Variants in ALOX12 observed in about 807,000 individuals in gnomAD.
ALOX12 encodes polyunsaturated fatty acid lipoxygenase ALOX12.
ALOX12 carries 62 observed loss-of-function variants against 85.5 expected under a neutral mutation model. That is an observed-to-expected ratio of 0.73 (90% confidence interval 0.59 to 0.90). The LOEUF is 0.90. ALOX12 is among the 40% of genes least tolerant of loss of function. The pLI, the probability that ALOX12 is intolerant of heterozygous loss-of-function variation, is 0.00. For missense variants in ALOX12, 751 were observed against 856.5 expected (o/e 0.88, Z 1.54); for synonymous variants, 299 against 332.7 (o/e 0.90, Z 1.10).
chr17:7,008,563 C>T (rs62062859), intron 11 of ALOX12, among the ~76,000 whole-genome samples: 15,173 of 152,042 alleles, frequency 0.1, 1,064 homozygotes, highest in Admixed American at 0.26. Flanking sequence ...CTAGCCAACA[C>T]GGTGAAACTC....
rs1233199656 is a variant in ALOX12 at position 7,010,706 on chromosome 17, C to T, written c.*283C>T. ...ACAGACAACATGGAAATGAGTGTGA[C>T]TATGTTCCAATAAAACTTTATGGAC... On this transcript the variant is annotated 3_prime_UTR_variant, in exon 14 of 14. Coordinates refer to ENST00000251535, the MANE Select transcript of ALOX12 (RefSeq NM_000697.3). 9.2e-6 allele frequency: 3 copies of T among 325,186 alleles called. No individual in the cohort carries two copies. The highest frequency in any genetic ancestry group is 1.7e-5 in the Non-Finnish European group (3 of 178,444). The allele number at this position is 325,186 out of a possible 1,614,324, so 20.1% of individuals were successfully genotyped here.
chr17:6,996,967 G>A lies in ALOX12; in HGVS notation c.277G>A (p.Ala93Thr), dbSNP rs1369798932. Reference protein sequence around the residue: ...VQGPGACAEVAFPCYRWVQGE... With the variant: ...VQGPGACAEVTFPCYRWVQGE... The stretch of plus-strand genomic sequence containing the variant: ...GGGCCCTGGAGCCTGCGCGGAGGTG[G>A]CCTTCCCGTGCTACCGCTGGGTGCA... The change falls in exon 2 of 14, where the codon GCC (alanine) becomes ACC (threonine). Residue 93 changes from alanine (A) to threonine (T), a missense_variant. Transcript: ENST00000251535. The A allele has an allele frequency of 6.3e-7, 1 of 1,583,442 alleles. No homozygotes were observed. Among genetic ancestry groups the A allele is most frequent in the Admixed American group, 1.8e-5 (1 of 55,078 alleles).
chr17:6,998,734 G>A lies in ALOX12; in HGVS notation c.439G>A (p.Gly147Arg). ...TCCTAGCTGGGCCACCTGGAAGGAA[G>A]GGTTACCCCTGACCATCGCTGCAGA... Reference protein sequence around the residue: ...QIYCWATWKEGLPLTIAADRK... With the variant: ...QIYCWATWKERLPLTIAADRK... The change falls in exon 4 of 14, where the codon GGG becomes AGG. Residue 147 changes from glycine to arginine, a missense_variant. By Grantham distance (125) the Gly-to-Arg change is moderately radical. Coordinates refer to ENST00000251535, the MANE Select transcript of ALOX12 (RefSeq NM_000697.3). 1 of 1,613,754 alleles carries A rather than the reference G, an allele frequency of 6.2e-7. No individual in the cohort carries two copies. Among genetic ancestry groups the A allele is most frequent in the Non-Finnish European group, 8.5e-7 (1 of 1,179,962 alleles).
rs547601549 is a variant in ALOX12 at position 7,006,539 on chromosome 17, G to A, written c.1472G>A (p.Gly491Glu). The change falls in exon 11 of 14, where the codon GGG becomes GAG. Residue 491 changes from glycine to glutamate, a missense_variant. Gly to Glu is a moderately conservative substitution (Grantham distance 98). Coordinates refer to ENST00000251535, the MANE Select transcript of ALOX12 (RefSeq NM_000697.3). The part of the protein sequence containing the change: ...LFYQRDDIVK[G>E]DPELQAWCRE... ...TACCAAAGGGATGACATAGTGAAGG[G>A]GGACCCTGAGCTGCAGGCCTGGTGT... The A allele has an allele frequency of 1.7e-5, 28 of 1,613,778 alleles. 2 individuals carry two copies. The South Asian group carries it at 3.0e-4, about 17-fold the overall frequency.
chr17:6,996,265 A>AGCGAGGGGAGCTAGGCCC lies in ALOX12; in HGVS notation c.135+28_135+29insCCCGCGAGGGGAGCTAGG. ...CGCGCGGGGCGAGGTCAGCGCGGGG[A>AGCGAGGGGAGCTAGGCCC]GCGAGGGGAGCTAGGGCAGCGGGGA... On this transcript the variant is annotated intron_variant, in intron 1 of 13. Coordinates refer to ENST00000251535, the MANE Select transcript of ALOX12 (RefSeq NM_000697.3). 8.1e-7 allele frequency: 1 copy of AGCGAGGGGAGCTAGGCCC among 1,228,402 alleles called. No homozygotes were observed. The highest frequency in any genetic ancestry group is 1.0e-6 in the Non-Finnish European group (1 of 982,226). The allele number at this position is 1,228,402 out of a possible 1,614,324, so 76.1% of individuals were successfully genotyped here.
chr17:7,000,197 G>A lies in ALOX12; in HGVS notation c.808-139G>A, dbSNP rs933542410. 6 of 944,648 alleles carry A rather than the reference G, an allele frequency of 6.4e-6. No homozygotes were observed. The highest frequency in any genetic ancestry group is 8.1e-6 in the Non-Finnish European group (5 of 619,070). 58.5% of individuals were successfully genotyped at this position (944,648 alleles called of 1,614,324 possible). On this transcript the variant is annotated intron_variant, in intron 6 of 13. Coordinates refer to ENST00000251535, the MANE Select transcript of ALOX12 (RefSeq NM_000697.3). This position sits in a 1 kb window ranked among gnomAD's most constrained non-coding sequence, Gnocchi z 4.6. Reference sequence around the variant, plus strand: ...TTAAGATGAGAGGAACTGGACCAGGGGCTCTAGTTCTCCCAACAGGGCTCC... The same window carrying A: ...TTAAGATGAGAGGAACTGGACCAGGAGCTCTAGTTCTCCCAACAGGGCTCC...
intron 11 of ALOX12, among the ~76,000 whole-genome samples, chr17:7,008,193 C>T (rs1426393275): frequency 2.0e-5 from 3 of 152,194 alleles, no homozygotes; most frequent in Non-Finnish European, 4.4e-5. Flanking sequence ...AAAAATTTTT[C>T]GGAGCCAAAG....
At chr17:6,996,556 CT>C (rs1908448531) in intron 1 of ALOX12, among the ~76,000 whole-genome samples, 1 of 151,770 alleles carries the variant, frequency 6.6e-6, no homozygotes, top group South Asian at 2.1e-4. Flanking sequence ...CGTGAAGCTC[CT>C]CCAAGAACCG....
chr17:6,996,614 C>A (rs1908451121), intron 1 of ALOX12, among the ~76,000 whole-genome samples: 1 of 152,158 alleles, frequency 6.6e-6, no homozygotes, highest in African/African-American at 2.4e-5. Context: ...CGATGCTGCT[C>A]CAGCATCAGC....
In ALOX12 at chr17:7,009,817, T is replaced by C. The variant is rs545136638; in HGVS notation, c.1611T>C (p.Thr537=). 7 of 1,614,232 alleles carry C rather than the reference T, an allele frequency of 4.3e-6. No homozygotes were observed. The African/African-American group carries it at 8.0e-5, about 18-fold the overall frequency. The part of the protein sequence containing the change: ...HFLTMCVFTC[T]AQHAAINQGQ... ...TCACCATGTGCGTCTTCACGTGCAC[T>C]GCCCAGCATGCCGCCATCAACCAGG... Residue 537 remains threonine, a synonymous_variant, in exon 12 of 14, where the codon ACT becomes ACC. Transcript: ENST00000251535.
At chr17:7,009,616 T>C in intron 11 of ALOX12, 131 bp from the exon 12 acceptor site, 1 of 804,390 alleles carries the variant, frequency 1.2e-6, no homozygotes, top group Non-Finnish European at 2.0e-6. Flanking sequence ...CTTAAACGCA[T>C]GTCTGATGCA....
In ALOX12 at chr17:7,010,391, C is replaced by A; in HGVS notation, c.1960C>A (p.Pro654Thr). ...TGACTGGCCCTATGAATATCTGAAG[C>A]CCAGCTGCATAGAGAACAGTGTCAC... ...QLDWPYEYLK[P>T]SCIENSVTI The change falls in exon 14 of 14, where the codon CCC becomes ACC. Residue 654 changes from proline to threonine, a missense_variant. By Grantham distance (38) the Pro-to-Thr change is conservative. Transcript: ENST00000251535. 1 of 1,614,158 alleles carries A rather than the reference C, an allele frequency of 6.2e-7. No homozygotes were observed. The highest frequency in any genetic ancestry group is 8.5e-7 in the Non-Finnish European group (1 of 1,180,028).
chr17:6,996,147 C>T lies in ALOX12; in HGVS notation c.30C>T (p.Thr10=), dbSNP rs1895326717. 1.6e-6 allele frequency: 2 copies of T among 1,252,744 alleles called. No individual in the cohort carries two copies. Among genetic ancestry groups the T allele is most frequent in the African/African-American group, 1.6e-5 (1 of 64,484 alleles). The allele number at this position is 1,252,744 out of a possible 1,614,324, so 77.6% of individuals were successfully genotyped here. Residue 10 remains threonine, a synonymous_variant, in exon 1 of 14, where the codon ACC becomes ACT. Coordinates refer to ENST00000251535, the MANE Select transcript of ALOX12 (RefSeq NM_000697.3). ...GCCGCTACCGCATCCGCGTGGCCAC[C>T]GGGGCCTGGCTCTTCTCCGGGTCGT... is the stretch of plus-strand genomic sequence containing the variant. MGRYRIRVA[T]GAWLFSGSYN...
chr17:6,996,147 C>A lies in ALOX12; in HGVS notation c.30C>A (p.Thr10=). ...GCCGCTACCGCATCCGCGTGGCCAC[C>A]GGGGCCTGGCTCTTCTCCGGGTCGT... is the stretch of plus-strand genomic sequence containing the variant. The part of the protein sequence containing the change: MGRYRIRVA[T]GAWLFSGSYN... The change falls in exon 1 of 14, where the codon ACC becomes ACA. Residue 10 remains threonine, a synonymous_variant. Transcript: ENST00000251535. 1.6e-6 allele frequency: 2 copies of A among 1,252,858 alleles called. No homozygotes were observed. Among genetic ancestry groups the A allele is most frequent in the Non-Finnish European group, 2.0e-6 (2 of 991,692 alleles). 77.6% of individuals were successfully genotyped at this position (1,252,858 alleles called of 1,614,324 possible).
intron 1 of ALOX12, 118 bp downstream of exon 1, chr17:6,996,370 C>T: frequency 9.0e-7 from 1 of 1,115,066 alleles, no homozygotes; most frequent in East Asian, 3.4e-5. Context: ...CGCGACCTCG[C>T]GGACTGGGAC....
chr17:7,000,455 G>A lies in ALOX12; in HGVS notation c.927G>A (p.Gly309=). 1 of 1,613,998 alleles carries A rather than the reference G, an allele frequency of 6.2e-7. No individual in the cohort carries two copies. Among genetic ancestry groups the A allele is most frequent in the Non-Finnish European group, 8.5e-7 (1 of 1,180,012 alleles). The change falls in exon 7 of 14, where the codon GGG becomes GGA. Residue 309 remains glycine, a synonymous_variant. Transcript: ENST00000251535. This position sits in a 1 kb window ranked among gnomAD's most constrained non-coding sequence, Gnocchi z 4.6. ...PLVMLKMEPN[G]KLQPMVIQIQ... is the part of the protein sequence containing the mutation. ...TTATGCTGAAGATGGAGCCCAATGG[G>A]AAGCTGCAGCCCATGGTCATCCAGG...
chr17:7,010,035 T>A lies in ALOX12; in HGVS notation c.1721T>A (p.Met574Lys), dbSNP rs138133771. 14 of 1,614,214 alleles carry A rather than the reference T, an allele frequency of 8.7e-6. No individual in the cohort carries two copies. Among genetic ancestry groups the A allele is most frequent in the Non-Finnish European group, 1.0e-5 (12 of 1,180,038 alleles). ...PPPTTKEDVT[M>K]ATVMGSLPDV... is the part of the protein sequence containing the mutation. ...CCCACCACCAAGGAAGATGTGACGA[T>A]GGCCACAGTGATGGGGTCACTACCT... Residue 574 changes from methionine (M) to lysine (K), a missense_variant, in exon 13 of 14, where the codon ATG becomes AAG. Coordinates refer to ENST00000251535, the MANE Select transcript of ALOX12 (RefSeq NM_000697.3).
At chr17:7,004,643 T>A (rs942257877) in intron 8 of ALOX12, among the ~76,000 whole-genome samples, 1 of 151,934 alleles carries the variant, frequency 6.6e-6, no homozygotes, top group Non-Finnish European at 1.5e-5. Flanking sequence ...TGGAGAAAGA[T>A]TTGCTTAAAC....
chr17:6,999,648 A>G, intron 6 of ALOX12, 182 bp downstream of exon 6: 1 of 621,410 alleles, frequency 1.6e-6, no homozygotes, highest in Non-Finnish European at 2.7e-6. Context: ...AGCTCCCAGC[A>G]GGAAGGGGAA....
Sources: gnomAD v4.1 joint callset for allele counts (sites outside exome capture counted in the v4.1 genomes callset) on GRCh38, gnomAD v4.1.1 for gene constraint, Gnocchi (gnomAD v3.1) non-coding constraint, MANE v1.5 for transcripts, NCBI Gene and HGNC (gene_info 2026-07-23, HGNC 2026-07-21) for gene names.